SPINK7: variants seen among roughly 807,000 people sequenced by gnomAD.
SPINK7 encodes the protein serine peptidase inhibitor Kazal type 7.
SPINK7 carries 8 observed loss-of-function variants against 11.6 expected under a neutral mutation model. The observed-to-expected ratio is 0.69, with a 90% CI of 0.41 to 1.25. The LOEUF is 1.25. Ranked by LOEUF, SPINK7 falls within the 50% of genes most tolerant of loss-of-function variation. SPINK7 has a pLI of 0.01. For missense variants in SPINK7, 113 were observed against 99.3 expected (o/e 1.14, Z -0.58); for synonymous variants, 38 against 35.3 (o/e 1.08, Z -0.27).
chr5:148,314,507 C>T (rs1756904944), intron 3 of SPINK7: 3 of 467,418 alleles, frequency 6.4e-6, no homozygotes, highest in African/African-American at 3.9e-5. Flanking sequence ...CTGCTGTCCC[C>T]AGAGCACAGA....
At chr5:148,313,572 C>A (rs957159373) in intron 2 of SPINK7, 173 bp downstream of exon 2, 27 of 437,268 alleles carry the variant, frequency 6.2e-5, no homozygotes, top group African/African-American at 4.3e-4. Flanking sequence ...ATATAAACAA[C>A]CATATTTTAA....
chr5:148,313,417 C>T lies in SPINK7; in HGVS notation c.87+18C>T. The T allele has an allele frequency of 1.3e-6, 2 of 1,564,262 alleles. No individual in the cohort carries two copies. Among genetic ancestry groups the T allele is most frequent in the Non-Finnish European group, 1.8e-6 (2 of 1,138,488 alleles). On this transcript the variant is annotated intron_variant, in intron 2 of 3. Transcript: ENST00000274565. ...CAAAAAAAGTAAGTATGTTGAATAACATTTTAATGTCAATAACTATTGACT... is the reference window on the plus strand; with the variant it reads ...CAAAAAAAGTAAGTATGTTGAATAATATTTTAATGTCAATAACTATTGACT...
chr5:148,314,358 G>C, intron 3 of SPINK7, 134 bp downstream of exon 3: 1 of 1,055,554 alleles, frequency 9.5e-7, no homozygotes, highest in East Asian at 2.5e-5. Flanking sequence ...CAGCAGGTGG[G>C]GATAGAAAAC....
intron 3 of SPINK7, among the ~76,000 whole-genome samples, chr5:148,314,748 C>A (rs190745883): frequency 1.1e-4 from 17 of 152,060 alleles, no homozygotes; most frequent in East Asian, 5.8e-4. Flanking sequence ...GATTCTTAGA[C>A]AAAGTGTCCC....
In SPINK7 at chr5:148,315,786, G is replaced by A; in HGVS notation, c.*102G>A. On this transcript the variant is annotated 3_prime_UTR_variant, in exon 4 of 4. Coordinates refer to ENST00000274565, the MANE Select transcript of SPINK7 (RefSeq NM_032566.3). ...TTTCAGTTTTACTGATGTTCTGGGT[G>A]GGGGACAGAGCCAGATTCAGAGTAA... 1 of 725,746 alleles carries A rather than the reference G, an allele frequency of 1.4e-6. No individual in the cohort carries two copies. Among genetic ancestry groups the A allele is most frequent in the East Asian group, 2.6e-5 (1 of 39,112 alleles). The allele number at this position is 725,746 out of a possible 1,614,324, so 45.0% of individuals were successfully genotyped here.
chr5:148,312,988 C>CA (rs1284964652), intron 1 of SPINK7, among the ~76,000 whole-genome samples: 1 of 152,016 alleles, frequency 6.6e-6, no homozygotes, highest in Non-Finnish European at 1.5e-5. Flanking sequence ...CACATAAAGA[C>CA]ATTCAATTGC....
chr5:148,314,539 G>T, intron 3 of SPINK7: 2 of 374,150 alleles, frequency 5.3e-6, no homozygotes, highest in Non-Finnish European at 9.7e-6. Context: ...GGCAAGTCAG[G>T]AGTCACCATT....
intron 3 of SPINK7, among the ~76,000 whole-genome samples, chr5:148,315,252 A>G (rs780160045): frequency 6.6e-6 from 1 of 152,144 alleles, no homozygotes; most frequent in South Asian, 2.1e-4. Context: ...TTTTCAAGGG[A>G]CACTGGAGAG....
intron 2 of SPINK7, 187 bp downstream of exon 2, chr5:148,313,586 T>C (rs1286798192): frequency 2.3e-6 from 1 of 427,686 alleles, no homozygotes; most frequent in Non-Finnish European, 4.2e-6. Flanking sequence ...ATTTTAAAAA[T>C]GTTTTTTAAA....
chr5:148,315,378 T>C (rs1303542180), intron 3 of SPINK7, among the ~76,000 whole-genome samples: 3 of 152,098 alleles, frequency 2.0e-5, no homozygotes, highest in African/African-American at 4.8e-5. Context: ...TCTTTCTTTG[T>C]TGTGTTAAGA....
At chr5:148,314,786 G>A (rs2113399850) in intron 3 of SPINK7, among the ~76,000 whole-genome samples, 1 of 152,184 alleles carries the variant, frequency 6.6e-6, no homozygotes, top group Middle Eastern at 3.4e-3. Context: ...CGAATTTCTA[G>A]AGGCTCTAAG....
intron 2 of SPINK7, chr5:148,313,884 C>A: frequency 5.3e-6 from 3 of 570,868 alleles, no homozygotes; most frequent in East Asian, 2.7e-5. Context: ...AACGCCTAGC[C>A]CAGAAATGCC....
At chr5:148,312,591 T>C (rs761348049) in intron 1 of SPINK7, 47 bp downstream of exon 1, 20 of 1,065,508 alleles carry the variant, frequency 1.9e-5, no homozygotes, top group Non-Finnish European at 2.5e-5. Flanking sequence ...AAGATTGTTT[T>C]CATAAATAAT....
chr5:148,313,895 C>A, intron 2 of SPINK7: 1 of 601,072 alleles, frequency 1.7e-6, no homozygotes, highest in Non-Finnish European at 2.9e-6. Flanking sequence ...CAGAAATGCC[C>A]AGCAATTGTT....
At chr5:148,313,807 G>T in intron 2 of SPINK7, 3 of 490,480 alleles carry the variant, frequency 6.1e-6, no homozygotes, top group East Asian at 3.1e-5. Context: ...GTAAAGAGAG[G>T]TAATAGTAGA....
At chr5:148,313,322 A>T in intron 1 of SPINK7, 52 bp from the exon 2 acceptor site, 1 of 1,408,232 alleles carries the variant, frequency 7.1e-7, no homozygotes, top group Non-Finnish European at 9.9e-7. Flanking sequence ...TTAATTAATG[A>T]GATTTAAAGT....
intron 2 of SPINK7, 98 bp from the exon 3 acceptor site, chr5:148,314,002 A>G (rs1367250468): frequency 1.3e-6 from 2 of 1,495,984 alleles, no homozygotes; most frequent in African/African-American, 1.4e-5. Context: ...CAACATCTGA[A>G]TATCTGAGCT....
chr5:148,313,241 T>C (rs1479117308), intron 1 of SPINK7, 133 bp from the exon 2 acceptor site: 6 of 571,808 alleles, frequency 1.0e-5, no homozygotes, highest in East Asian at 3.4e-5. Context: ...GGATTTTGCA[T>C]AAGGATGGAG....
At chr5:148,313,543 C>G (rs1015586720) in intron 2 of SPINK7, 144 bp downstream of exon 2, 4 of 499,852 alleles carry the variant, frequency 8.0e-6, no homozygotes, top group Admixed American at 3.4e-5. Flanking sequence ...CAGAAGGCAA[C>G]TAAACAAATA....
Sources: gnomAD v4.1 joint callset for allele counts (sites outside exome capture counted in the v4.1 genomes callset) on GRCh38, gnomAD v4.1.1 for gene constraint, MANE v1.5 for transcripts, NCBI Gene and HGNC (gene_info 2026-07-23, HGNC 2026-07-21) for gene names.